COA8: variants seen among roughly 807,000 people sequenced by gnomAD.
COA8 encodes the protein cytochrome c oxidase assembly factor 8.
COA8 carries 20 observed loss-of-function variants against 22.0 expected under a neutral mutation model. The observed-to-expected ratio is 0.91, with a 90% CI of 0.64 to 1.32. The LOEUF is 1.32. Among genes scored for constraint, COA8 ranks in the 40% most tolerant of loss-of-function variants. The probability of loss-of-function intolerance (pLI) is 0.00; values close to 1 mark genes in which losing one functional copy is unlikely to be tolerated. For missense variants in COA8, 266 were observed against 230.0 expected (o/e 1.16, Z -1.01); for synonymous variants, 105 against 79.9 (o/e 1.31, Z -1.68).
chr14:103,574,234 GA>G, intron 3 of COA8, 64 bp downstream of exon 3: 1 of 1,602,218 alleles, frequency 6.2e-7, no homozygotes. Context: ...CATGAAAAGG[GA>G]AAGGAAGGGC....
At chr14:103,575,367 A>G (rs1035056079) in intron 3 of COA8, among the ~76,000 whole-genome samples, 34 of 152,224 alleles carry the variant, frequency 2.2e-4, no homozygotes, top group Non-Finnish European at 1.5e-5. Flanking sequence ...CTGGCCTTAA[A>G]TTAGGTTTGA....
chr14:103,580,556 C>A (rs1327513181), intron 3 of COA8, among the ~76,000 whole-genome samples: 4 of 151,964 alleles, frequency 2.6e-5, no homozygotes, highest in African/African-American at 4.8e-5. Context: ...TGCAGTGGCC[C>A]TATCTTGGCT....
intron 4 of COA8, 42 bp downstream of exon 4, chr14:103,587,406 CAGATT>C: frequency 7.2e-7 from 1 of 1,385,372 alleles, no homozygotes; most frequent in Non-Finnish European, 1.0e-6. Flanking sequence ...ATAGCACATC[CAGATT>C]AGGTAGGAGT....
At chr14:103,568,052 T>G (rs1396532577) in intron 1 of COA8, among the ~76,000 whole-genome samples, 1 of 152,154 alleles carries the variant, frequency 6.6e-6, no homozygotes, top group East Asian at 1.9e-4. Flanking sequence ...TCAGTAAATA[T>G]GAAGTTCCTG....
chr14:103,563,514 T>TCAAGCGG, intron 1 of COA8: 1 of 359,770 alleles, frequency 2.8e-6, no homozygotes. Context: ...GTGCTTTTCT[T>TCAAGCGG]CAAGCGGCGA....
At chr14:103,564,571 CTTTTTT>C (rs561702478) in intron 1 of COA8, among the ~76,000 whole-genome samples, 2 of 91,460 alleles carry the variant, frequency 2.2e-5, no homozygotes, top group Non-Finnish European at 4.2e-5. Context: ...ATATACACTT[CTTTTTT>C]TTTTTTTTTT....
At chr14:103,588,261 T>C (rs1224887862) in intron 4 of COA8, 2 of 393,858 alleles carry the variant, frequency 5.1e-6, no homozygotes, top group East Asian at 3.6e-5. Context: ...GCACCTGGAA[T>C]CCCATGACTT....
rs374810726 is a variant in COA8 at position 103,587,500 on chromosome 14, CTTTTTTTCTTTTTT to C, written c.476+144_476+157del. 3.5e-3 allele frequency: 1,551 copies of C among 439,158 alleles called. 9 individuals carry two copies. The highest frequency in any genetic ancestry group is 0.021 in the Middle Eastern group (32 of 1,536). The allele number at this position is 439,158 out of a possible 1,614,324, so 27.2% of individuals were successfully genotyped here. The stretch of plus-strand genomic sequence containing the variant: ...CAAGACTTTATCAACTTTTTTTTTT[CTTTTTTTCTTTTTT>C]TTTTTTTTTTTGAGACGGAGTTTCG... On this transcript the variant is annotated intron_variant, in intron 4 of 4. Transcript: ENST00000409074.
intron 3 of COA8, among the ~76,000 whole-genome samples, chr14:103,585,858 G>A (rs771046276): frequency 6.6e-6 from 1 of 151,676 alleles, no homozygotes; most frequent in African/African-American, 2.4e-5. Flanking sequence ...ACAGGCGTGA[G>A]CCACCATGCC....
chr14:103,565,069 G>A (rs985381223), intron 1 of COA8, among the ~76,000 whole-genome samples: 9 of 151,832 alleles, frequency 5.9e-5, no homozygotes, highest in African/African-American at 1.7e-4. Context: ...TTCTCCTGCC[G>A]CAGCCTCCTG....
chr14:103,568,621 G>GCGTA (rs1555412633), intron 1 of COA8, among the ~76,000 whole-genome samples: 3 of 141,854 alleles, frequency 2.1e-5, no homozygotes, highest in African/African-American at 8.0e-5. Context: ...ATGTGTGTGT[G>GCGTA]TATATATATA....
chr14:103,573,666 C>T (rs1203539056), intron 2 of COA8, among the ~76,000 whole-genome samples: 1 of 152,120 alleles, frequency 6.6e-6, no homozygotes, highest in Non-Finnish European at 1.5e-5. Context: ...AGTTCTCCCG[C>T]CTCAGCCTCC....
In COA8 at chr14:103,574,103, T is replaced by TTTTTTTGAA; in HGVS notation, c.322-4_322-3insTTTTTTGAA. On this transcript the variant is annotated splice_polypyrimidine_tract_variant and splice_region_variant and intron_variant, in intron 2 of 4. Transcript: ENST00000409074. ...CTTTTTTTTTTTTTTTTTTTTTTTT[T>TTTTTTTGAA]AAGGAAAAAGAAGAATTTATTCACT... is the stretch of plus-strand genomic sequence containing the variant. The TTTTTTTGAA allele has an allele frequency of 1.3e-6, 2 of 1,484,224 alleles. No individual in the cohort carries two copies. The highest frequency in any genetic ancestry group is 1.8e-6 in the Non-Finnish European group (2 of 1,115,542). The allele number at this position is 1,484,224 out of a possible 1,614,324, so 91.9% of individuals were successfully genotyped here.
In COA8 at chr14:103,571,626, T is replaced by C; in HGVS notation, c.127T>C (p.Ser43Pro). 1 of 1,613,666 alleles carries C rather than the reference T, an allele frequency of 6.2e-7. No individual in the cohort carries two copies. The highest frequency in any genetic ancestry group is 8.5e-7 in the Non-Finnish European group (1 of 1,179,650). Residue 43 changes from serine to proline, a missense_variant, in exon 2 of 5, where the codon TCA (serine) becomes CCA (proline). Ser to Pro is a moderately conservative substitution (Grantham distance 74, BLOSUM62 -1). Transcript: ENST00000409074. Reference protein sequence around the residue: ...ERRDTAPSGVSRFCPPRKSCH... With the variant: ...ERRDTAPSGVPRFCPPRKSCH... ...AATCCAATTTACTTTGTTAAAGGTC[T>C]CAAGATTCTGCCCTCCAAGAAAGTC...
intron 1 of COA8, among the ~76,000 whole-genome samples, chr14:103,568,871 A>T (rs2076158403): frequency 6.6e-6 from 1 of 152,094 alleles, no homozygotes; most frequent in African/African-American, 2.4e-5. Context: ...ACCTCAAATG[A>T]TCCACCTGCT....
chr14:103,563,075 A>G lies in COA8; in HGVS notation c.74A>G (p.Gln25Arg). 1 of 1,541,212 alleles carries G rather than the reference A, an allele frequency of 6.5e-7. No homozygotes were observed. Among genetic ancestry groups the G allele is most frequent in the South Asian group, 1.2e-5 (1 of 84,536 alleles). Residue 25 changes from glutamine (Q) to arginine (R), a missense_variant, in exon 1 of 5, where the codon CAA (glutamine) becomes CGA (arginine). Physicochemically the swap from Gln to Arg is conservative, Grantham distance 43 (BLOSUM62 1). Transcript: ENST00000409074. The part of the protein sequence containing the change: ...LCRAFACRGC[Q>R]LAPERGAERR... ...CGCGCCTTCGCCTGCCGCGGCTGTCAACTCGCTCCGGAGCGCGGCGCCGAG... is the reference window on the plus strand; with the variant it reads ...CGCGCCTTCGCCTGCCGCGGCTGTCGACTCGCTCCGGAGCGCGGCGCCGAG...
chr14:103,564,571 C>CTTTTTTTTT lies in COA8; in HGVS notation c.123+1465_123+1473dup, dbSNP rs561702478. Among the ~76,000 whole-genome samples, 15 of 91,460 alleles carry CTTTTTTTTT rather than the reference C, an allele frequency of 1.6e-4. 3 individuals are homozygous for CTTTTTTTTT. Among genetic ancestry groups the CTTTTTTTTT allele is most frequent in the East Asian group, 3.0e-4 (1 of 3,374 alleles). 60.0% of individuals were successfully genotyped at this position (91,460 alleles called of 152,430 possible). ...GATTTCTCTATTGTCATATACACTT[C>CTTTTTTTTT]TTTTTTTTTTTTTTTTTTTTTTTTT... On this transcript the variant is annotated intron_variant, in intron 1 of 4. Coordinates refer to ENST00000409074, the MANE Select transcript of COA8 (RefSeq NM_001370595.2).
rs995233200 is a variant in COA8 at position 103,579,824 on chromosome 14, G to A, written c.385+5654G>A. ...CTAAAGACACAAAACTTAGCTGGAC[G>A]TGGTGGCGTATGCCTGTAATCCCAG... On this transcript the variant is annotated intron_variant, in intron 3 of 4. Coordinates refer to ENST00000409074, the MANE Select transcript of COA8 (RefSeq NM_001370595.2). Among the ~76,000 whole-genome samples the A allele has an allele frequency of 5.3e-5, 8 of 151,316 alleles. No individual in the cohort carries two copies. The South Asian group carries it at 1.3e-3, about 24-fold the overall frequency.
chr14:103,587,241 A>T, intron 3 of COA8, 33 bp from the exon 4 acceptor site: 1 of 1,576,336 alleles, frequency 6.3e-7, no homozygotes, highest in Non-Finnish European at 8.7e-7. Flanking sequence ...TTTCTCCTTA[A>T]GTCTTAATGT....
Sources: allele counts gnomAD v4.1 joint callset (sites outside exome capture counted in the v4.1 genomes callset), GRCh38; gene constraint gnomAD v4.1.1; transcripts MANE v1.5; gene names NCBI Gene and HGNC (gene_info 2026-07-23, HGNC 2026-07-21).